Variants in MBNL2 observed in about 807,000 individuals in gnomAD.
MBNL2 encodes the protein muscleblind-like protein 2.
MBNL2 carries 17 observed loss-of-function variants against 41.9 expected under a neutral mutation model. That is an observed-to-expected ratio of 0.41 (90% confidence interval 0.28 to 0.61). The LOEUF is 0.61. Ranked by LOEUF, MBNL2 falls within the 20% of genes least tolerant of loss-of-function variation. The pLI, the probability that MBNL2 is intolerant of heterozygous loss-of-function variation, is 0.35. For missense variants in MBNL2, 336 were observed against 505.6 expected, an observed-to-expected ratio of 0.66 and a Z score of 3.22; for synonymous variants, 195 against 182.9, an observed-to-expected ratio of 1.07 and a Z score of -0.53.
the MBNL2 span, among the ~76,000 whole-genome samples, chr13:97,201,535 A>G: frequency 6.6e-6 from 1 of 152,024 alleles, no homozygotes; most frequent in Non-Finnish European, 1.5e-5. Context: ...TTATTTACTT[A>G]TTATTCCTTT....
At chr13:97,362,588 G>A (rs2063501735) in intron 7 of MBNL2, among the ~76,000 whole-genome samples, 1 of 152,096 alleles carries the variant, frequency 6.6e-6, no homozygotes, top group South Asian at 2.1e-4. Context: ...CCAGGGAGGT[G>A]TAAGATGGCC....
the MBNL2 span, among the ~76,000 whole-genome samples, chr13:97,155,511 G>A: frequency 1.3e-5 from 2 of 149,196 alleles, no homozygotes; most frequent in Non-Finnish European, 3.0e-5. Context: ...TCGTCATCTA[G>A]CATTAGGTAT....
rs2066454342 is a variant in MBNL2 at position 97,393,834 on chromosome 13, A to G, written c.*2385A>G. The G allele has an allele frequency of 6.6e-6, 1 of 152,546 alleles. No homozygotes were observed. Among genetic ancestry groups the G allele is most frequent in the Admixed American group, 6.5e-5 (1 of 15,270 alleles). 9.4% of individuals were successfully genotyped at this position (152,546 alleles called of 1,614,324 possible). A position where few individuals can be genotyped will look rare whatever the true frequency, so the allele number is the denominator to read the frequency against. On this transcript the variant is annotated 3_prime_UTR_variant, in exon 9 of 9. Coordinates refer to ENST00000679496, the MANE Select transcript of MBNL2 (RefSeq NM_001382683.1). ...TCACCAATATCCAAGACATGAAGAT[A>G]TCAGTTCAACAAATACTGTAGTTAA...
chr13:97,359,168 C>T (rs1041015631), intron 7 of MBNL2, among the ~76,000 whole-genome samples: 1 of 151,946 alleles, frequency 6.6e-6, no homozygotes, highest in Non-Finnish European at 1.5e-5. Flanking sequence ...ATTGAAATAA[C>T]ACATTTGTAA....
At position 97,288,165 on chromosome 13, in the gene MBNL2, C is replaced by T. The variant is rs187511099; in HGVS notation, c.174+11756C>T. On this transcript the variant is annotated intron_variant, in intron 2 of 8. Transcript: ENST00000679496. The stretch of plus-strand genomic sequence containing the variant: ...TTACTTGGCAAAAAGAAAAAATAAA[C>T]GGGCAACTCTGTCAGTTTCTCTCTC... Among the ~76,000 whole-genome samples the T allele has an allele frequency of 5.3e-4, 79 of 150,136 alleles. 1 individual carries two copies. The highest frequency in any genetic ancestry group is 1.6e-3 in the African/African-American group (63 of 40,584).
At chr13:97,285,258 T>G (rs2054192157) in intron 2 of MBNL2, among the ~76,000 whole-genome samples, 1 of 152,218 alleles carries the variant, frequency 6.6e-6, no homozygotes, top group South Asian at 2.1e-4. Flanking sequence ...CTCTCTGGGA[T>G]CCCAGTGTCT....
At chr13:97,270,371 G>C (rs1469113734) in intron 1 of MBNL2, among the ~76,000 whole-genome samples, 2 of 151,758 alleles carry the variant, frequency 1.3e-5, no homozygotes, top group African/African-American at 4.8e-5. Flanking sequence ...TTCTTACAAG[G>C]CATGTATTTT....
chr13:97,352,355 CTCTT>C lies in MBNL2; in HGVS notation c.805-4434_805-4431del, dbSNP rs757922167. Reference sequence around the variant, plus strand: ...TTTGATTTTAAGTAATAATCTGTGACTCTTTCTTTCACTTGAACACTTAGAGGCC... The same window carrying C: ...TTTGATTTTAAGTAATAATCTGTGACTCTTTCACTTGAACACTTAGAGGCC... On this transcript the variant is annotated intron_variant, in intron 5 of 8. Transcript: ENST00000679496. Among the ~76,000 whole-genome samples, 5 of 152,276 alleles carry C rather than the reference CTCTT, an allele frequency of 3.3e-5. No individual in the cohort carries two copies. The South Asian group carries it at 6.2e-4, about 19-fold the overall frequency.
chr13:97,321,976 A>C (rs2059539526), intron 2 of MBNL2, among the ~76,000 whole-genome samples: 1 of 152,226 alleles, frequency 6.6e-6, no homozygotes, highest in African/African-American at 2.4e-5. Context: ...ATGATCTCTA[A>C]GAAGCACTTA....
At chr13:97,235,761 T>C (rs2043158255) in intron 1 of MBNL2, among the ~76,000 whole-genome samples, 1 of 152,238 alleles carries the variant, frequency 6.6e-6, no homozygotes, top group Non-Finnish European at 1.5e-5. Context: ...GGCCCAGAGC[T>C]GCAGACGCTA....
chr13:97,389,046 T>C (rs1401276675), intron 8 of MBNL2, among the ~76,000 whole-genome samples: 1 of 152,014 alleles, frequency 6.6e-6, no homozygotes, highest in African/African-American at 2.4e-5. Context: ...CAGCTGAGAG[T>C]TCAATAGTCC....
the MBNL2 span, among the ~76,000 whole-genome samples, chr13:97,155,158 C>G: frequency 0.022 from 3,346 of 152,132 alleles, 114 homozygotes; most frequent in African/African-American, 0.076. Context: ...AAACTAATTA[C>G]ACACATGGAC....
chr13:97,196,147 G>A, the MBNL2 span, among the ~76,000 whole-genome samples: 1 of 152,116 alleles, frequency 6.6e-6, no homozygotes, highest in Non-Finnish European at 1.5e-5. Flanking sequence ...TATCCTCTGT[G>A]GGCAAGGTAG....
intron 2 of MBNL2, among the ~76,000 whole-genome samples, chr13:97,333,678 C>A (rs554244227): frequency 2.0e-4 from 31 of 152,188 alleles, no homozygotes; most frequent in Admixed American, 1.9e-3. Context: ...TTCAGCTAAT[C>A]TGGAACACAC....
At chr13:97,292,126 G>A (rs1232244130) in intron 2 of MBNL2, among the ~76,000 whole-genome samples, 1 of 149,418 alleles carries the variant, frequency 6.7e-6, no homozygotes, top group Non-Finnish European at 1.5e-5. Context: ...GCGTGAACCC[G>A]GGACGCGGAG....
chr13:97,212,043 G>T, the MBNL2 span, among the ~76,000 whole-genome samples: 8 of 152,300 alleles, frequency 5.3e-5, no homozygotes, highest in South Asian at 1.2e-3. Context: ...ATAGAGGGAA[G>T]AGAGTGAGGA....
rs1206912827 is a variant in MBNL2 at position 97,287,942 on chromosome 13, T to TG, written c.174+11533_174+11534insG. On this transcript the variant is annotated intron_variant, in intron 2 of 8. Transcript: ENST00000679496. ...TGTTTTTTTTTTGTTTTGTTTTGTT[T>TG]TTTTTTTTTTTAGTAGAGATGGGGT... Among the ~76,000 whole-genome samples the TG allele has an allele frequency of 5.6e-5, 8 of 143,000 alleles. No homozygotes were observed. In the South Asian group the frequency reaches 8.8e-4, roughly 16 times the overall value. The allele number at this position is 143,000 out of a possible 152,430, so 93.8% of individuals were successfully genotyped here.
intron 8 of MBNL2, among the ~76,000 whole-genome samples, chr13:97,371,446 G>A (rs1346114887): frequency 2.0e-5 from 3 of 152,120 alleles, no homozygotes; most frequent in African/African-American, 7.2e-5. Context: ...GAAAGCTGGG[G>A]AAGTATCAAG....
chr13:97,382,757 C>T (rs2065587261), intron 8 of MBNL2, among the ~76,000 whole-genome samples: 1 of 151,690 alleles, frequency 6.6e-6, no homozygotes, highest in Admixed American at 6.6e-5. Context: ...TCACCACAAC[C>T]TCCAACCTCC....
Sources: gnomAD v4.1 joint callset for allele counts (sites outside exome capture counted in the v4.1 genomes callset) on GRCh38, gnomAD v4.1.1 for gene constraint, MANE v1.5 for transcripts, NCBI Gene and HGNC (gene_info 2026-07-23, HGNC 2026-07-21) for gene names.